DACH1: variants seen among roughly 807,000 people sequenced by gnomAD.
DACH1 encodes the protein dachshund homolog 1.
In DACH1, 12 loss-of-function variants were observed where a neutral mutation model predicts 54.2. That is an observed-to-expected ratio of 0.22 (90% CI 0.14 to 0.36). The LOEUF (loss-of-function observed/expected upper bound fraction) is 0.36, where lower values mean the gene tolerates loss of function less well. Ranked by LOEUF, DACH1 falls within the 10% of genes least tolerant of loss-of-function variation. The pLI is 1.00. For missense variants in DACH1, 805 were observed against 929.8 expected (o/e 0.87, Z 1.75); for synonymous variants, 386 against 366.2 (o/e 1.05, Z -0.62).
intron 10 of DACH1, among the ~76,000 whole-genome samples, chr13:71,473,788 T>C (rs1465818683): frequency 6.6e-6 from 1 of 152,172 alleles, no homozygotes; most frequent in Non-Finnish European, 1.5e-5. Flanking sequence ...CTGAGACCAC[T>C]TTGACATTAT....
chr13:71,805,326 A>G (rs1887453170), intron 1 of DACH1, among the ~76,000 whole-genome samples: 1 of 152,162 alleles, frequency 6.6e-6, no homozygotes, highest in South Asian at 2.1e-4. Flanking sequence ...ACACTCAACT[A>G]CATTCTCTGG....
At chr13:71,858,970 C>CT (rs1874181843) in intron 1 of DACH1, among the ~76,000 whole-genome samples, 2 of 151,446 alleles carry the variant, frequency 1.3e-5, no homozygotes, top group Middle Eastern at 6.8e-3. Flanking sequence ...CTCTCTAAAA[C>CT]TTTTTTAAAA....
At chr13:71,683,155 A>C (rs1213960715) in intron 1 of DACH1, among the ~76,000 whole-genome samples, 1 of 152,130 alleles carries the variant, frequency 6.6e-6, no homozygotes, top group African/African-American at 2.4e-5. Flanking sequence ...TGCACTATGG[A>C]GGCTAATTTA....
intron 3 of DACH1, among the ~76,000 whole-genome samples, chr13:71,577,362 C>A (rs1885594435): frequency 6.6e-6 from 1 of 152,118 alleles, no homozygotes; most frequent in Non-Finnish European, 1.5e-5. Context: ...AGGAAGCATG[C>A]CCAAAGAGGA....
intron 6 of DACH1, among the ~76,000 whole-genome samples, chr13:71,520,460 G>GA (rs1429746388): frequency 6.8e-6 from 1 of 147,506 alleles, no homozygotes; most frequent in Admixed American, 6.9e-5. Context: ...AGACTTTTGA[G>GA]AAAAAAATTA....
At chr13:71,821,355 T>G (rs1177929158) in intron 1 of DACH1, among the ~76,000 whole-genome samples, 1 of 152,168 alleles carries the variant, frequency 6.6e-6, no homozygotes, top group Non-Finnish European at 1.5e-5. Context: ...TGTGCCTCAG[T>G]TCTCTCATCT....
chr13:71,803,073 G>A (rs1487534536), intron 1 of DACH1, among the ~76,000 whole-genome samples: 1 of 152,000 alleles, frequency 6.6e-6, no homozygotes, highest in Non-Finnish European at 1.5e-5. Context: ...AACATATTAA[G>A]GTTAATCTCT....
chr13:71,514,862 T>C (rs1276897851), intron 6 of DACH1, among the ~76,000 whole-genome samples: 3 of 151,966 alleles, frequency 2.0e-5, no homozygotes, highest in Non-Finnish European at 4.4e-5. Flanking sequence ...TCAGCTTATA[T>C]GTAAAATTTG....
chr13:71,517,479 T>C (rs961964484), intron 6 of DACH1, among the ~76,000 whole-genome samples: 2 of 151,948 alleles, frequency 1.3e-5, no homozygotes, highest in Non-Finnish European at 2.9e-5. Flanking sequence ...GTGTGGACTT[T>C]ATTTCTTTAT....
intron 6 of DACH1, among the ~76,000 whole-genome samples, chr13:71,537,104 C>A (rs1473248947): frequency 6.6e-6 from 1 of 152,072 alleles, no homozygotes; most frequent in African/African-American, 2.4e-5. Context: ...TCCCTGAATT[C>A]ATCTTACCAT....
intron 6 of DACH1, among the ~76,000 whole-genome samples, chr13:71,534,456 A>G (rs995327864): frequency 6.6e-6 from 1 of 151,884 alleles, no homozygotes; most frequent in Non-Finnish European, 1.5e-5. Flanking sequence ...ATCTACATAA[A>G]CCATTATGAA....
chr13:71,769,560 C>G (rs1000030810), intron 1 of DACH1, among the ~76,000 whole-genome samples: 6 of 151,532 alleles, frequency 4.0e-5, no homozygotes, highest in Non-Finnish European at 8.9e-5. Context: ...GGTCACTTTT[C>G]TGAAAAATAG....
intron 3 of DACH1, among the ~76,000 whole-genome samples, chr13:71,585,379 T>G (rs1873167732): frequency 6.6e-6 from 1 of 152,320 alleles, no homozygotes; most frequent in Admixed American, 6.5e-5. Context: ...CCATAAAGTC[T>G]AATACCCTCA....
intron 1 of DACH1, among the ~76,000 whole-genome samples, chr13:71,799,950 T>C (rs1477632583): frequency 6.6e-6 from 1 of 152,108 alleles, no homozygotes. Flanking sequence ...GGATACTTTT[T>C]CTATTTATGT....
chr13:71,706,296 C>G (rs1262014719), intron 1 of DACH1, among the ~76,000 whole-genome samples: 1 of 151,324 alleles, frequency 6.6e-6, no homozygotes, highest in South Asian at 2.1e-4. Flanking sequence ...TATTATTAGC[C>G]TTTCATCCAT....
intron 1 of DACH1, among the ~76,000 whole-genome samples, chr13:71,684,841 T>C (rs1455883980): frequency 6.6e-6 from 1 of 152,094 alleles, no homozygotes; most frequent in Admixed American, 6.6e-5. Flanking sequence ...TCAAGTATAC[T>C]ACCTTATCAA....
chr13:71,841,073 A>G (rs1872807355), intron 1 of DACH1, among the ~76,000 whole-genome samples: 1 of 152,170 alleles, frequency 6.6e-6, no homozygotes, highest in South Asian at 2.1e-4. Flanking sequence ...TGGCAGCTGT[A>G]TATTTTCTGA....
chr13:71,591,537 T>C (rs1251353202), intron 3 of DACH1, among the ~76,000 whole-genome samples: 3 of 152,186 alleles, frequency 2.0e-5, no homozygotes, highest in East Asian at 3.9e-4. Context: ...AAGAAGTCAC[T>C]TAGATTTTGA....
chr13:71,779,188 C>CACATATATATAT (rs1566494817), intron 1 of DACH1, among the ~76,000 whole-genome samples: 17 of 124,192 alleles, frequency 1.4e-4, no homozygotes, highest in Non-Finnish European at 2.4e-4. Flanking sequence ...CACATATATA[C>CACATATATATAT]GTATATACGT....
Sources: allele counts gnomAD v4.1 joint callset (sites outside exome capture counted in the v4.1 genomes callset), GRCh38; gene constraint gnomAD v4.1.1; transcripts MANE v1.5; gene names NCBI Gene and HGNC (gene_info 2026-07-23, HGNC 2026-07-21).